The following KCNJ16 variants were observed in gnomAD, a reference collection of about 807,000 sequenced individuals.
KCNJ16 encodes potassium inwardly rectifying channel subfamily J member 16.
A neutral mutation model predicts 18.5 loss-of-function variants in KCNJ16; 15 were observed. The observed-to-expected ratio is 0.81, with a 90% CI of 0.54 to 1.25. The LOEUF (loss-of-function observed/expected upper bound fraction) is 1.25. KCNJ16 is among the 50% of genes most tolerant of loss of function. The pLI is 0.00. For synonymous variants in KCNJ16, 174 were observed against 186.5 expected (o/e 0.93, Z 0.55); for missense variants, 523 against 525.7 (o/e 0.99, Z 0.05).
chr17:70,109,689 C>T (rs1055117781), intron 2 of KCNJ16, among the ~76,000 whole-genome samples: 3 of 152,170 alleles, frequency 2.0e-5, no homozygotes, highest in African/African-American at 7.2e-5. Flanking sequence ...GTCCCAAGAA[C>T]AGAAAATGCC....
chr17:70,123,867 A>G (rs1039844803), intron 2 of KCNJ16, among the ~76,000 whole-genome samples: 2 of 152,228 alleles, frequency 1.3e-5, no homozygotes, highest in African/African-American at 4.8e-5. Flanking sequence ...ATTGCTCTGG[A>G]TGAAAGAGGC....
intron 2 of KCNJ16, among the ~76,000 whole-genome samples, chr17:70,105,675 C>T (rs1313993048): frequency 3.3e-5 from 5 of 152,198 alleles, no homozygotes; most frequent in Non-Finnish European, 7.3e-5. Flanking sequence ...TGAAATCTGA[C>T]TAAGTATAAA....
chr17:70,124,972 AGAAAG>A (rs2073801803), intron 2 of KCNJ16, among the ~76,000 whole-genome samples: 1 of 152,142 alleles, frequency 6.6e-6, no homozygotes, highest in Non-Finnish European at 1.5e-5. Flanking sequence ...GGTTGTAAAA[AGAAAG>A]GAAAGTTGGC....
chr17:70,084,232 A>G (rs2071689508), intron 1 of KCNJ16, among the ~76,000 whole-genome samples: 1 of 152,188 alleles, frequency 6.6e-6, no homozygotes, highest in South Asian at 2.1e-4. Flanking sequence ...CTATGAAGGG[A>G]ATGGAATTCT....
At chr17:70,093,313 T>C (rs2072208422) in intron 1 of KCNJ16, among the ~76,000 whole-genome samples, 1 of 152,096 alleles carries the variant, frequency 6.6e-6, no homozygotes, top group African/African-American at 2.4e-5. Context: ...TTGCTCCTTC[T>C]GAAGCCTCTA....
At chr17:70,095,640 C>T (rs1046465215) in intron 1 of KCNJ16, among the ~76,000 whole-genome samples, 1 of 152,052 alleles carries the variant, frequency 6.6e-6, no homozygotes, top group Non-Finnish European at 1.5e-5. Flanking sequence ...ATAATTTCTG[C>T]TTGTTCTGGT....
intron 2 of KCNJ16, among the ~76,000 whole-genome samples, chr17:70,112,773 A>T (rs2073243319): frequency 6.6e-6 from 1 of 152,212 alleles, no homozygotes; most frequent in Admixed American, 6.5e-5. Context: ...ATAATATTTA[A>T]TTAAATCAGT....
At chr17:70,097,542 T>C (rs1205539165) in intron 1 of KCNJ16, among the ~76,000 whole-genome samples, 1 of 152,160 alleles carries the variant, frequency 6.6e-6, no homozygotes, top group Non-Finnish European at 1.5e-5. Flanking sequence ...TTCTATTAGA[T>C]TCTCAAGGAA....
At position 70,132,496 on chromosome 17, in the gene KCNJ16, C is replaced by T. The variant is rs766250689; in HGVS notation, c.409C>T (p.Arg137Cys). The change falls in exon 4 of 4, where the codon CGC becomes TGC. Residue 137 changes from arginine (R) to cysteine (C), a missense_variant. Transcript: ENST00000392671. ...ETQTTIGYGY[R>C]CVTEECSVAV... ...CCAAACCACCATAGGATATGGTTATCGCTGTGTTACTGAAGAATGTTCTGT... is the reference window on the plus strand; with the variant it reads ...CCAAACCACCATAGGATATGGTTATTGCTGTGTTACTGAAGAATGTTCTGT... 12 of 1,614,002 alleles carry T rather than the reference C, an allele frequency of 7.4e-6. No homozygotes were observed. Among genetic ancestry groups the T allele is most frequent in the African/African-American group, 1.3e-5 (1 of 74,908 alleles).
At chr17:70,080,949 C>T (rs1004277839) in intron 1 of KCNJ16, among the ~76,000 whole-genome samples, 6 of 152,312 alleles carry the variant, frequency 3.9e-5, no homozygotes, top group Middle Eastern at 3.4e-3. Context: ...GGCTTAATAG[C>T]TCTCACCAGC....
chr17:70,102,628 A>C (rs894697334), intron 2 of KCNJ16, among the ~76,000 whole-genome samples: 1 of 152,184 alleles, frequency 6.6e-6, no homozygotes, highest in Non-Finnish European at 1.5e-5. Context: ...AATTAAAACA[A>C]AACAAATAAC....
At chr17:70,131,193 TCA>T (rs1491127527) in intron 3 of KCNJ16, among the ~76,000 whole-genome samples, 1 of 87,082 alleles carries the variant, frequency 1.1e-5, no homozygotes, top group African/African-American at 7.2e-5. Flanking sequence ...GCTGCCAGTG[TCA>T]AAAAAAAAAA....
intron 2 of KCNJ16, among the ~76,000 whole-genome samples, chr17:70,130,166 G>C (rs956840064): frequency 7.9e-5 from 12 of 152,136 alleles, no homozygotes; most frequent in African/African-American, 2.7e-4. Flanking sequence ...CCTATGACCA[G>C]TTGAGAGGGT....
At chr17:70,094,240 G>A (rs1307894830) in intron 1 of KCNJ16, among the ~76,000 whole-genome samples, 1 of 152,206 alleles carries the variant, frequency 6.6e-6, no homozygotes, top group Non-Finnish European at 1.5e-5. Flanking sequence ...AACTCAAAGT[G>A]AAAATAAAAG....
intron 1 of KCNJ16, among the ~76,000 whole-genome samples, chr17:70,089,230 C>T (rs930132479): frequency 2.6e-5 from 4 of 152,110 alleles, no homozygotes; most frequent in African/African-American, 7.2e-5. Context: ...GGTACCATGC[C>T]GTATGCTTGG....
chr17:70,115,391 T>G (rs1456076654), intron 2 of KCNJ16, among the ~76,000 whole-genome samples: 1 of 152,098 alleles, frequency 6.6e-6, no homozygotes, highest in East Asian at 1.9e-4. Flanking sequence ...CATGAATACA[T>G]AATTGCCCTC....
intron 2 of KCNJ16, among the ~76,000 whole-genome samples, chr17:70,113,273 CT>C (rs1210518133): frequency 6.6e-6 from 1 of 152,146 alleles, no homozygotes; most frequent in Non-Finnish European, 1.5e-5. Flanking sequence ...AGTCACCTTT[CT>C]TTTGGATCTA....
In KCNJ16 at chr17:70,120,896, T is replaced by A. The variant is rs193049796; in HGVS notation, c.-190-9983T>A. ...ATGCATTTATCAAGTGCATTTTCTT[T>A]TATAGGAAAGAAAAGTGAATACTCA... On this transcript the variant is annotated intron_variant, in intron 2 of 3. Transcript: ENST00000392671. Among the ~76,000 whole-genome samples, 337 of 152,280 alleles carry A rather than the reference T, an allele frequency of 2.2e-3. 2 individuals carry two copies. Among genetic ancestry groups the A allele is most frequent in the Non-Finnish European group, 3.9e-3 (263 of 68,022 alleles).
chr17:70,122,174 T>C (rs937785897), intron 2 of KCNJ16, among the ~76,000 whole-genome samples: 5 of 139,678 alleles, frequency 3.6e-5, no homozygotes, highest in African/African-American at 1.5e-4. Context: ...GCATATCGGA[T>C]ACTTTTTTTT....
Sources: allele counts gnomAD v4.1 joint callset (sites outside exome capture counted in the v4.1 genomes callset), GRCh38; gene constraint gnomAD v4.1.1; transcripts MANE v1.5; gene names NCBI Gene and HGNC (gene_info 2026-07-23, HGNC 2026-07-21).